The following USP13 variants were observed in gnomAD, a reference collection of about 807,000 sequenced individuals.
USP13 encodes the protein ubiquitin carboxyl-terminal hydrolase 13.
In USP13, 68 loss-of-function variants were observed where a neutral mutation model predicts 107.8. The ratio of observed to expected loss-of-function variants is 0.63; its 90% confidence interval spans 0.52 to 0.77. USP13 has a LOEUF of 0.77. USP13 is among the 30% of genes least tolerant of loss of function. USP13 has a pLI of 0.00. For synonymous variants in USP13, 377 were observed against 389.5 expected (o/e 0.97, Z 0.38); for missense variants, 945 against 1,093.3 (o/e 0.86, Z 1.91).
At chr3:179,661,166 C>T (rs1720446949) in intron 1 of USP13, among the ~76,000 whole-genome samples, 1 of 152,146 alleles carries the variant, frequency 6.6e-6, no homozygotes, top group Non-Finnish European at 1.5e-5. Flanking sequence ...TAGTTTTGAC[C>T]TCCCAAATTA....
chr3:179,763,922 G>A, intron 17 of USP13, 80 bp from the exon 18 acceptor site: 1 of 1,416,776 alleles, frequency 7.1e-7, no homozygotes, highest in South Asian at 1.5e-5. Context: ...GTAGAATCAT[G>A]TTTTTCCTTG....
chr3:179,666,475 C>T (rs1418415431), intron 1 of USP13, among the ~76,000 whole-genome samples: 1 of 152,196 alleles, frequency 6.6e-6, no homozygotes, highest in Non-Finnish European at 1.5e-5. Context: ...GTGAGAGCCT[C>T]TAAGTCTTGC....
At chr3:179,683,693 G>T (rs1207029359) in intron 2 of USP13, among the ~76,000 whole-genome samples, 1 of 152,172 alleles carries the variant, frequency 6.6e-6, no homozygotes, top group East Asian at 1.9e-4. Context: ...CCCATGACAT[G>T]GGGGAATTGT....
At chr3:179,727,572 A>G (rs1490196923) in intron 8 of USP13, among the ~76,000 whole-genome samples, 1 of 116,346 alleles carries the variant, frequency 8.6e-6, no homozygotes, top group African/African-American at 3.0e-5. Flanking sequence ...ACCTCTTTCT[A>G]CACAGACACG....
chr3:179,685,531 A>T (rs984770533), intron 2 of USP13, among the ~76,000 whole-genome samples: 1 of 152,064 alleles, frequency 6.6e-6, no homozygotes, highest in Non-Finnish European at 1.5e-5. Flanking sequence ...TTGACTTGCT[A>T]CTGAATGATT....
chr3:179,691,591 T>G (rs1184138571), intron 3 of USP13, among the ~76,000 whole-genome samples: 3 of 152,190 alleles, frequency 2.0e-5, no homozygotes, highest in African/African-American at 7.2e-5. Flanking sequence ...ACTTGATCAT[T>G]GTTAAGGTAG....
intron 2 of USP13, among the ~76,000 whole-genome samples, chr3:179,687,701 C>T (rs915673021): frequency 7.1e-5 from 7 of 98,968 alleles, no homozygotes; most frequent in Non-Finnish European, 1.3e-4. Context: ...AGTGCTGTTG[C>T]TTCCTGACTA....
intron 1 of USP13, among the ~76,000 whole-genome samples, chr3:179,673,380 G>A (rs1720802134): frequency 8.7e-6 from 1 of 114,612 alleles, no homozygotes; most frequent in Non-Finnish European, 1.7e-5. Context: ...ATTCAGTGGT[G>A]AATATGACAC....
At chr3:179,710,765 A>G (rs926167919) in intron 6 of USP13, among the ~76,000 whole-genome samples, 13 of 152,264 alleles carry the variant, frequency 8.5e-5, no homozygotes, top group African/African-American at 2.9e-4. Flanking sequence ...ACCAAGCTAT[A>G]TGATGTAACC....
intron 13 of USP13, among the ~76,000 whole-genome samples, chr3:179,747,660 C>T (rs1016325451): frequency 2.0e-5 from 3 of 152,136 alleles, no homozygotes; most frequent in Non-Finnish European, 4.4e-5. Context: ...ATTCCCTGAG[C>T]CCAGGGCTAG....
At chr3:179,780,309 C>T (rs906480294) in intron 19 of USP13, among the ~76,000 whole-genome samples, 1 of 152,100 alleles carries the variant, frequency 6.6e-6, no homozygotes, top group Non-Finnish European at 1.5e-5. Context: ...TTGCAGATGA[C>T]ATAATCTCAT....
intron 1 of USP13, among the ~76,000 whole-genome samples, chr3:179,669,156 G>A (rs552049258): frequency 2.0e-5 from 3 of 152,206 alleles, no homozygotes; most frequent in South Asian, 2.1e-4. Flanking sequence ...GGGCTAGTGC[G>A]CTCTATCCTA....
intron 1 of USP13, among the ~76,000 whole-genome samples, chr3:179,679,259 AAC>A (rs1277010245): frequency 1.3e-5 from 2 of 152,156 alleles, no homozygotes; most frequent in Non-Finnish European, 2.9e-5. Flanking sequence ...ATTTTAAACA[AAC>A]AAATTTTAAA....
At position 179,706,915 on chromosome 3, in the gene USP13, A is replaced by T. The variant is rs751489072; in HGVS notation, c.478-19A>T. On this transcript the variant is annotated intron_variant, in intron 4 of 20. Coordinates refer to ENST00000263966, the MANE Select transcript of USP13 (RefSeq NM_003940.3). ...TTCTCAAACTGTTTTTATATATTAC[A>T]TCTGGGTTTGTCTTATAGGTAACAA... is the stretch of plus-strand genomic sequence containing the variant. 2 of 1,601,142 alleles carry T rather than the reference A, an allele frequency of 1.2e-6. No individual in the cohort carries two copies. Among genetic ancestry groups the T allele is most frequent in the East Asian group, 4.5e-5 (2 of 44,676 alleles).
chr3:179,703,166 A>C (rs1373224480), intron 4 of USP13, among the ~76,000 whole-genome samples: 1 of 152,180 alleles, frequency 6.6e-6, no homozygotes, highest in Non-Finnish European at 1.5e-5. Flanking sequence ...AGAAGAGAGA[A>C]TTATTTGGAA....
chr3:179,756,396 C>T lies in USP13; in HGVS notation c.1922-656C>T, dbSNP rs572604997. Among the ~76,000 whole-genome samples, 133 of 151,350 alleles carry T rather than the reference C, an allele frequency of 8.8e-4. 1 individual carries two copies. The highest frequency in any genetic ancestry group is 6.8e-3 in the Middle Eastern group (2 of 292). On this transcript the variant is annotated intron_variant, in intron 15 of 20. Coordinates refer to ENST00000263966, the MANE Select transcript of USP13 (RefSeq NM_003940.3). ...ACTGCATTCCAGCCTGGCGGCAGAG[C>T]GAGACCCTGTCTCAAAAAAACAAAC...
chr3:179,670,209 G>A (rs1350980073), intron 1 of USP13, among the ~76,000 whole-genome samples: 2 of 152,118 alleles, frequency 1.3e-5, no homozygotes, highest in African/African-American at 4.8e-5. Flanking sequence ...TCCCCCATCT[G>A]TATAAAGACC....
intron 3 of USP13, among the ~76,000 whole-genome samples, chr3:179,699,841 A>G (rs1432465420): frequency 1.3e-5 from 2 of 151,750 alleles, no homozygotes; most frequent in African/African-American, 4.8e-5. Flanking sequence ...GCTGTACACA[A>G]ACATATACTA....
intron 20 of USP13, 139 bp from the exon 21 acceptor site, chr3:179,783,909 C>CT: frequency 1.6e-6 from 1 of 620,078 alleles, no homozygotes; most frequent in Middle Eastern, 3.3e-4. Flanking sequence ...CATTCTGTCC[C>CT]TTTTTATACA....
Sources: allele counts gnomAD v4.1 joint callset (sites outside exome capture counted in the v4.1 genomes callset), GRCh38; gene constraint gnomAD v4.1.1; transcripts MANE v1.5; gene names NCBI Gene and HGNC (gene_info 2026-07-23, HGNC 2026-07-21).